ESR1: variants seen among roughly 807,000 people sequenced by gnomAD.
The protein encoded by ESR1 is estrogen receptor.
ESR1 carries 12 observed loss-of-function variants against 52.7 expected under a neutral mutation model. The ratio of observed to expected loss-of-function variants is 0.23; its 90% CI spans 0.15 to 0.37. The LOEUF (loss-of-function observed/expected upper bound fraction) is 0.37, where lower values mean the gene tolerates loss of function less well. ESR1 is among the 10% of genes least tolerant of loss of function. The pLI, the probability that ESR1 is intolerant of heterozygous loss-of-function variation, is 1.00. For missense variants in ESR1, 584 were observed against 779.7 expected (o/e 0.75, Z 2.99); for synonymous variants, 305 against 316.8 (o/e 0.96, Z 0.39).
chr6:151,938,516 T>C (rs933322257), intron 3 of ESR1, among the ~76,000 whole-genome samples: 11 of 152,200 alleles, frequency 7.2e-5, no homozygotes, highest in Non-Finnish European at 1.3e-4. Context: ...TGATGTGTCT[T>C]TAGCTCCTTT....
At chr6:151,667,722 C>A (rs759484691) in intron 1 of ESR1, among the ~76,000 whole-genome samples, 4 of 152,102 alleles carry the variant, frequency 2.6e-5, no homozygotes, top group African/African-American at 9.7e-5. Flanking sequence ...AAGACAGCGA[C>A]AAAGCATTTC....
At chr6:151,759,527 TAAAA>T (rs917107979) in intron 2 of ESR1, among the ~76,000 whole-genome samples, 4 of 151,210 alleles carry the variant, frequency 2.6e-5, no homozygotes, top group Admixed American at 6.6e-5. Flanking sequence ...ATAATAATAA[TAAAA>T]AAAGAATAAC....
intron 2 of ESR1, among the ~76,000 whole-genome samples, chr6:151,876,771 T>C (rs1200385009): frequency 6.6e-6 from 1 of 152,156 alleles, no homozygotes; most frequent in Admixed American, 6.5e-5. Flanking sequence ...TTCCTGCCAG[T>C]CAAACCTTAG....
chr6:151,718,059 G>A (rs551067396), intron 2 of ESR1, among the ~76,000 whole-genome samples: 2 of 152,236 alleles, frequency 1.3e-5, no homozygotes, highest in African/African-American at 4.8e-5. Flanking sequence ...ATAGACATCT[G>A]ATGAATGAAT....
intron 4 of ESR1, among the ~76,000 whole-genome samples, chr6:151,985,178 C>T (rs2040340430): frequency 6.6e-6 from 1 of 151,988 alleles, no homozygotes; most frequent in Admixed American, 6.6e-5. Flanking sequence ...GATGGCTGTG[C>T]TGCTGGACTT....
At chr6:152,021,735 C>T (rs367709705) in intron 5 of ESR1, among the ~76,000 whole-genome samples, 2 of 152,100 alleles carry the variant, frequency 1.3e-5, no homozygotes, top group African/African-American at 2.4e-5. Flanking sequence ...ATACTTCCCA[C>T]GTGTTGTGGG....
intron 3 of ESR1, among the ~76,000 whole-genome samples, chr6:151,933,794 A>G (rs541544375): frequency 3.4e-4 from 52 of 152,316 alleles, no homozygotes; most frequent in African/African-American, 1.2e-3. Context: ...CATCCAATCC[A>G]TCAGCATGTC....
intron 3 of ESR1, among the ~76,000 whole-genome samples, chr6:151,933,431 T>C (rs536988739): frequency 6.6e-6 from 1 of 150,638 alleles, no homozygotes; most frequent in Non-Finnish European, 1.5e-5. Flanking sequence ...CTTTTCCTAA[T>C]TGAATACCCT....
At chr6:151,845,134 G>A (rs1438642900) in intron 2 of ESR1, among the ~76,000 whole-genome samples, 7 of 151,962 alleles carry the variant, frequency 4.6e-5, no homozygotes, top group Middle Eastern at 3.4e-3. Flanking sequence ...ATTTAGTATT[G>A]TCTCTAAGCA....
chr6:151,720,924 C>T (rs1385500123), intron 2 of ESR1, among the ~76,000 whole-genome samples: 1 of 152,128 alleles, frequency 6.6e-6, no homozygotes, highest in Non-Finnish European at 1.5e-5. Flanking sequence ...TTTAATCAAA[C>T]CATTTGTTAA....
intron 2 of ESR1, among the ~76,000 whole-genome samples, chr6:151,728,034 T>C (rs1369561205): frequency 6.6e-6 from 1 of 152,208 alleles, no homozygotes; most frequent in African/African-American, 2.4e-5. Context: ...GCACCTTGAC[T>C]GAGTATATCC....
chr6:151,843,986 A>C (rs1784707477), intron 2 of ESR1, among the ~76,000 whole-genome samples: 1 of 151,046 alleles, frequency 6.6e-6, no homozygotes, highest in South Asian at 2.1e-4. Flanking sequence ...TTTTAAAAGC[A>C]TTTTCTTCGA....
intron 2 of ESR1, among the ~76,000 whole-genome samples, chr6:151,755,150 C>T (rs550295534): frequency 1.6e-4 from 24 of 148,858 alleles, no homozygotes; most frequent in Non-Finnish European, 3.2e-4. Context: ...GTTGATTCTG[C>T]AGTAAGCTAT....
chr6:152,038,841 G>A (rs2128889632), intron 5 of ESR1, among the ~76,000 whole-genome samples: 1 of 152,180 alleles, frequency 6.6e-6, no homozygotes, highest in East Asian at 1.9e-4. Context: ...ATCCTGGCCA[G>A]GCTGGTCTTG....
At chr6:152,037,561 T>G (rs961339632) in intron 5 of ESR1, among the ~76,000 whole-genome samples, 1 of 152,220 alleles carries the variant, frequency 6.6e-6, no homozygotes, top group Non-Finnish European at 1.5e-5. Context: ...ACTGCGTTGT[T>G]TTTTAAAAAG....
At chr6:151,690,864 CA>C (rs1250215958) in intron 1 of ESR1, among the ~76,000 whole-genome samples, 1 of 152,198 alleles carries the variant, frequency 6.6e-6, no homozygotes, top group Non-Finnish European at 1.5e-5. Context: ...AAACTTGGTA[CA>C]GTGGAAATTC....
intron 3 of ESR1, among the ~76,000 whole-genome samples, chr6:151,904,945 G>C (rs890841786): frequency 1.3e-5 from 2 of 152,136 alleles, no homozygotes; most frequent in African/African-American, 4.8e-5. Context: ...CGATGGGAAA[G>C]TAGCAACAAT....
intron 3 of ESR1, among the ~76,000 whole-genome samples, chr6:151,888,512 AT>A (rs1794218156): frequency 1.3e-5 from 2 of 151,788 alleles, no homozygotes; most frequent in Admixed American, 1.3e-4. Flanking sequence ...CTGTATGTTG[AT>A]TTTCTCTTCT....
chr6:151,733,276 G>A (rs1285783507), intron 2 of ESR1, among the ~76,000 whole-genome samples: 2 of 152,126 alleles, frequency 1.3e-5, no homozygotes, highest in Non-Finnish European at 2.9e-5. Context: ...TAACTCAAGA[G>A]CCCAAGTTAT....
Sources: gnomAD v4.1 joint callset for allele counts (sites outside exome capture counted in the v4.1 genomes callset) on GRCh38, gnomAD v4.1.1 for gene constraint, MANE v1.5 for transcripts, NCBI Gene and HGNC (gene_info 2026-07-23, HGNC 2026-07-21) for gene names.